The following RARB variants were observed in gnomAD, a reference collection of about 807,000 sequenced individuals.
RARB encodes retinoic acid receptor beta.
RARB carries 17 observed loss-of-function variants against 51.9 expected under a neutral mutation model. That is an observed-to-expected ratio of 0.33 (90% CI 0.22 to 0.49). The LOEUF is 0.49. Among genes scored for constraint, RARB ranks in the 20% least tolerant of loss-of-function variants. The pLI is 0.99. For missense variants in RARB, 369 were observed against 550.8 expected (o/e 0.67, Z 3.30); for synonymous variants, 215 against 195.4 (o/e 1.10, Z -0.84).
At chr3:25,247,029 G>A (rs1178661479) in intron 5 of RARB, among the ~76,000 whole-genome samples, 1 of 152,246 alleles carries the variant, frequency 6.6e-6, no homozygotes, top group Admixed American at 6.5e-5. Context: ...CCAGAGAGGA[G>A]GAATCTAGAC....
intron 5 of RARB, among the ~76,000 whole-genome samples, chr3:25,300,034 C>T (rs148973040): frequency 1.3e-3 from 191 of 152,302 alleles, no homozygotes; most frequent in African/African-American, 4.3e-3. Context: ...ACACTAAGCT[C>T]TGTTCATTTA....
intron 1 of RARB, among the ~76,000 whole-genome samples, chr3:24,849,060 C>T (rs1292878874): frequency 1.3e-5 from 2 of 152,114 alleles, no homozygotes; most frequent in Non-Finnish European, 2.9e-5. Context: ...TTTCCAAGGC[C>T]CCCAGTGGAT....
chr3:24,957,654 A>G (rs1292893027), intron 2 of RARB, among the ~76,000 whole-genome samples: 1 of 152,228 alleles, frequency 6.6e-6, no homozygotes, highest in Non-Finnish European at 1.5e-5. Context: ...GAATATTTGG[A>G]GGTTTCAAGC....
chr3:24,929,976 G>C (rs1695405175), intron 2 of RARB, among the ~76,000 whole-genome samples: 1 of 151,950 alleles, frequency 6.6e-6, no homozygotes. Context: ...TAATTGATTT[G>C]GTACAGAGTA....
intron 3 of RARB, among the ~76,000 whole-genome samples, chr3:25,550,631 T>G (rs1699808780): frequency 6.6e-6 from 1 of 152,210 alleles, no homozygotes; most frequent in South Asian, 2.1e-4. Context: ...TAATTTCATT[T>G]TAAGTTCTGG....
chr3:25,565,334 A>G (rs1700450439), intron 3 of RARB, among the ~76,000 whole-genome samples: 1 of 152,204 alleles, frequency 6.6e-6, no homozygotes, highest in South Asian at 2.1e-4. Context: ...ATGGCCTACC[A>G]TGAATAGAAG....
intron 2 of RARB, among the ~76,000 whole-genome samples, chr3:24,928,788 A>G (rs1371910885): frequency 6.6e-6 from 1 of 151,950 alleles, no homozygotes; most frequent in Non-Finnish European, 1.5e-5. Flanking sequence ...TTTTTCTTCC[A>G]CTTAGAGGTT....
At chr3:25,244,465 C>T (rs1702508223) in intron 5 of RARB, among the ~76,000 whole-genome samples, 1 of 152,094 alleles carries the variant, frequency 6.6e-6, no homozygotes, top group Non-Finnish European at 1.5e-5. Context: ...ACAAATTTCC[C>T]TCTAAACACT....
intron 3 of RARB, among the ~76,000 whole-genome samples, chr3:25,115,416 G>A (rs1382798452): frequency 6.6e-6 from 1 of 152,150 alleles, no homozygotes; most frequent in African/African-American, 2.4e-5. Context: ...TTGGGTGAGT[G>A]TGTGGTGCAT....
intron 2 of RARB, among the ~76,000 whole-genome samples, chr3:24,986,098 A>G (rs1372787781): frequency 6.6e-6 from 1 of 152,246 alleles, no homozygotes; most frequent in Non-Finnish European, 1.5e-5. Flanking sequence ...GCTGGTTTTA[A>G]GTGCTAAACT....
chr3:25,226,653 G>A (rs1702062809), intron 5 of RARB, among the ~76,000 whole-genome samples: 1 of 152,130 alleles, frequency 6.6e-6, no homozygotes, highest in African/African-American at 2.4e-5. Context: ...AAGCAGGTTG[G>A]CTGCTGTCTG....
intron 5 of RARB, among the ~76,000 whole-genome samples, chr3:25,184,199 T>C (rs971873016): frequency 6.6e-5 from 10 of 152,138 alleles, no homozygotes; most frequent in Admixed American, 5.9e-4. Context: ...TGGAAATGAC[T>C]GCTTTTCAAT....
At chr3:25,415,652 T>C (rs1260465299) in intron 5 of RARB, among the ~76,000 whole-genome samples, 1 of 152,226 alleles carries the variant, frequency 6.6e-6, no homozygotes, top group Non-Finnish European at 1.5e-5. Context: ...TAATGATGTC[T>C]TCTAATAATT....
In RARB at chr3:25,393,464, G is replaced by A. The variant is rs541126978; in HGVS notation, c.179-67729G>A. ...TTTTGTAATAGTTTCAATAGGATTG[G>A]TACCCATTCTTTGAATTTCTGATAG... On this transcript the variant is annotated intron_variant, in intron 5 of 11. Coordinates refer to the RARB transcript ENST00000383772. Among the ~76,000 whole-genome samples the A allele has an allele frequency of 2.6e-5, 4 of 152,070 alleles. No homozygotes were observed. The South Asian group carries it at 8.3e-4, about 32-fold the overall frequency.
intron 2 of RARB, chr3:25,060,007 A>G (rs375122119): frequency 7.2e-5 from 11 of 151,782 alleles, no homozygotes; most frequent in African/African-American, 2.2e-4. Flanking sequence ...ATCTTTCCCT[A>G]TTAAAATAGT....
chr3:25,162,966 G>T (rs964789535), intron 4 of RARB, among the ~76,000 whole-genome samples: 1 of 152,192 alleles, frequency 6.6e-6, no homozygotes, highest in South Asian at 2.1e-4. Context: ...TTATATGGTA[G>T]TTCCATGTTT....
chr3:25,332,555 C>T (rs1356476212), intron 5 of RARB, among the ~76,000 whole-genome samples: 2 of 152,044 alleles, frequency 1.3e-5, no homozygotes, highest in African/African-American at 4.8e-5. Flanking sequence ...TATGACGAAC[C>T]CACAGCCAAT....
At chr3:25,321,360 T>A (rs1704563544) in intron 5 of RARB, among the ~76,000 whole-genome samples, 1 of 152,194 alleles carries the variant, frequency 6.6e-6, no homozygotes, top group African/African-American at 2.4e-5. Context: ...CTGTCTTTTT[T>A]GTTGACCAAA....
intron 2 of RARB, among the ~76,000 whole-genome samples, chr3:25,000,213 T>C (rs1462806144): frequency 6.6e-6 from 1 of 152,170 alleles, no homozygotes; most frequent in African/African-American, 2.4e-5. Flanking sequence ...GGTAGTTCCA[T>C]CAGTTTGAGG....
Sources: allele counts gnomAD v4.1 joint callset (sites outside exome capture counted in the v4.1 genomes callset), GRCh38; gene constraint gnomAD v4.1.1; transcripts MANE v1.5; gene names NCBI Gene and HGNC (gene_info 2026-07-23, HGNC 2026-07-21).